Variants in RAB6A observed in about 807,000 individuals in gnomAD.
RAB6A encodes the protein ras-related protein Rab-6A.
A neutral mutation model predicts 32.3 loss-of-function variants in RAB6A; 8 were observed. The ratio of observed to expected loss-of-function variants is 0.25; its 90% CI spans 0.15 to 0.45. The LOEUF (loss-of-function observed/expected upper bound fraction) is 0.45. Among genes scored for constraint, RAB6A ranks in the 20% least tolerant of loss-of-function variants. The pLI is 1.00. For missense variants in RAB6A, 104 were observed against 249.4 expected, an observed-to-expected ratio of 0.42 and a Z score of 3.93; for synonymous variants, 73 against 82.1, an observed-to-expected ratio of 0.89 and a Z score of 0.60.
At chr11:73,732,652 T>C (rs1035900184) in intron 1 of RAB6A, among the ~76,000 whole-genome samples, 5 of 152,024 alleles carry the variant, frequency 3.3e-5, no homozygotes, top group African/African-American at 1.2e-4. Flanking sequence ...CCCAGCTACT[T>C]GGGAGGCTCA....
chr11:73,717,734 G>T (rs1946073024), intron 4 of RAB6A, among the ~76,000 whole-genome samples: 1 of 152,238 alleles, frequency 6.6e-6, no homozygotes, highest in Admixed American at 6.5e-5. Flanking sequence ...GTGAGCCACT[G>T]TGCCCGGCCT....
intron 5 of RAB6A, among the ~76,000 whole-genome samples, chr11:73,709,902 C>T (rs937960168): frequency 1.4e-5 from 2 of 146,348 alleles, no homozygotes; most frequent in East Asian, 4.0e-4. Context: ...TATATACACA[C>T]ACATATATAC....
intron 6 of RAB6A, among the ~76,000 whole-genome samples, chr11:73,700,523 G>GC (rs1343761182): frequency 7.0e-6 from 1 of 142,160 alleles, no homozygotes; most frequent in Non-Finnish European, 1.5e-5. Context: ...GTTCAAGGCT[G>GC]CAGTGAGCCG....
chr11:73,696,970 T>C (rs1945664804), intron 6 of RAB6A, among the ~76,000 whole-genome samples: 1 of 152,186 alleles, frequency 6.6e-6, no homozygotes, highest in African/African-American at 2.4e-5. Context: ...CCTCTCTCAC[T>C]GGGAATAAAA....
At chr11:73,693,960 C>T (rs1945616927) in intron 6 of RAB6A, among the ~76,000 whole-genome samples, 1 of 152,060 alleles carries the variant, frequency 6.6e-6, no homozygotes, top group Non-Finnish European at 1.5e-5. Context: ...AGAAATACCT[C>T]AGGAAAGCTT....
At chr11:73,745,058 C>A (rs1266760366) in intron 1 of RAB6A, among the ~76,000 whole-genome samples, 1 of 151,040 alleles carries the variant, frequency 6.6e-6, no homozygotes, top group Non-Finnish European at 1.5e-5. Flanking sequence ...CATTATTTCA[C>A]TCAAACACTT....
At chr11:73,687,658 C>G (rs1333150139) in intron 6 of RAB6A, among the ~76,000 whole-genome samples, 1 of 152,200 alleles carries the variant, frequency 6.6e-6, no homozygotes, top group African/African-American at 2.4e-5. Context: ...GAGTTCCAGG[C>G]CAGCCTGGCT....
intron 6 of RAB6A, among the ~76,000 whole-genome samples, chr11:73,695,472 C>T (rs902313592): frequency 1.3e-5 from 2 of 152,000 alleles, no homozygotes; most frequent in African/African-American, 4.8e-5. Flanking sequence ...CTCTGCCTCC[C>T]GGGTTCAAGT....
At chr11:73,743,609 C>A (rs998034110) in intron 1 of RAB6A, among the ~76,000 whole-genome samples, 20 of 151,994 alleles carry the variant, frequency 1.3e-4, no homozygotes, top group East Asian at 9.7e-4. Flanking sequence ...ATGGCGAGAT[C>A]CTGTCTCAGA....
chr11:73,716,047 A>C (rs1395909480), intron 5 of RAB6A, among the ~76,000 whole-genome samples: 1 of 152,244 alleles, frequency 6.6e-6, no homozygotes, highest in Non-Finnish European at 1.5e-5. Flanking sequence ...ACATGGGCTT[A>C]AACAAAATAA....
chr11:73,703,136 T>A (rs1945774015), intron 6 of RAB6A, among the ~76,000 whole-genome samples: 1 of 151,652 alleles, frequency 6.6e-6, no homozygotes, highest in Admixed American at 6.6e-5. Flanking sequence ...TAAAAAAAAT[T>A]GGAAAAAAAA....
intron 1 of RAB6A, among the ~76,000 whole-genome samples, chr11:73,739,504 G>T (rs935674131): frequency 3.3e-5 from 5 of 149,584 alleles, no homozygotes; most frequent in Admixed American, 6.8e-5. Context: ...TTGAATCAGG[G>T]TCTTGTTCTG....
At chr11:73,695,379 GT>G (rs71469463) in intron 6 of RAB6A, among the ~76,000 whole-genome samples, 123 of 147,242 alleles carry the variant, frequency 8.4e-4, no homozygotes, top group African/African-American at 2.6e-3. Flanking sequence ...CAGTTTTTTT[GT>G]TTTTTTTTTT....
At chr11:73,735,560 C>T (rs1057158817) in intron 1 of RAB6A, among the ~76,000 whole-genome samples, 4 of 151,986 alleles carry the variant, frequency 2.6e-5, no homozygotes, top group Admixed American at 2.6e-4. Flanking sequence ...AGAAAAATAA[C>T]TTTAAACATG....
intron 6 of RAB6A, among the ~76,000 whole-genome samples, chr11:73,684,483 T>G (rs1945410028): frequency 6.6e-6 from 1 of 152,214 alleles, no homozygotes; most frequent in African/African-American, 2.4e-5. Context: ...ATGTACATTG[T>G]TTTTACAGAC....
intron 6 of RAB6A, among the ~76,000 whole-genome samples, chr11:73,688,147 TC>T: frequency 6.6e-6 from 1 of 152,354 alleles, no homozygotes; most frequent in African/African-American, 2.4e-5. Flanking sequence ...GAGAGGAGAT[TC>T]TCTGCAATTA....
chr11:73,700,709 C>T (rs1006144952), intron 6 of RAB6A, among the ~76,000 whole-genome samples: 1 of 148,506 alleles, frequency 6.7e-6, no homozygotes, highest in African/African-American at 2.5e-5. Flanking sequence ...GAATGAAACA[C>T]ATTTTACTTA....
rs1022836856 is a variant in RAB6A at position 73,756,576 on chromosome 11, G to A, written c.70+3990C>T. On this transcript the variant is annotated intron_variant, in intron 1 of 7. Coordinates refer to ENST00000336083, the MANE Select transcript of RAB6A (RefSeq NM_198896.2). The stretch of plus-strand genomic sequence containing the variant: ...GTGAAATCTTCTACTGTAAACCACT[G>A]AGTGACATTACTAAAACTGCCTCTG... Among the ~76,000 whole-genome samples the A allele has an allele frequency of 2.0e-5, 3 of 152,184 alleles. No homozygotes were observed. The South Asian group carries it at 6.2e-4, about 32-fold the overall frequency.
chr11:73,703,831 A>G (rs536808727), intron 6 of RAB6A, among the ~76,000 whole-genome samples: 56 of 152,260 alleles, frequency 3.7e-4, no homozygotes, highest in African/African-American at 1.2e-3. Context: ...GCACTTTGGG[A>G]GGCCGAGATG....
Sources: gnomAD v4.1 joint callset for allele counts (sites outside exome capture counted in the v4.1 genomes callset) on GRCh38, gnomAD v4.1.1 for gene constraint, MANE v1.5 for transcripts, NCBI Gene and HGNC (gene_info 2026-07-23, HGNC 2026-07-21) for gene names.